The following ME2 variants were observed in gnomAD, a reference collection of about 807,000 sequenced individuals.
The protein encoded by ME2 is malic enzyme 2, also known as NAD-dependent malic enzyme, mitochondrial.
ME2 carries 60 observed loss-of-function variants against 73.7 expected under a neutral mutation model. That is an observed-to-expected ratio of 0.81 (90% CI 0.66 to 1.01). The LOEUF (loss-of-function observed/expected upper bound fraction) is 1.01. Ranked by LOEUF, ME2 falls within the 50% of genes least tolerant of loss-of-function variation. ME2 has a pLI of 0.00. For missense variants in ME2, 594 were observed against 705.5 expected (o/e 0.84, Z 1.79); for synonymous variants, 199 against 236.9 (o/e 0.84, Z 1.47).
chr18:50,904,931 C>A (rs1233721704), intron 2 of ME2, among the ~76,000 whole-genome samples: 1 of 151,984 alleles, frequency 6.6e-6, no homozygotes, highest in Non-Finnish European at 1.5e-5. Context: ...CTCCTCTCCT[C>A]AAACTTCATT....
intron 2 of ME2, among the ~76,000 whole-genome samples, chr18:50,903,240 G>C (rs1916932873): frequency 6.6e-6 from 1 of 152,096 alleles, no homozygotes; most frequent in Non-Finnish European, 1.5e-5. Flanking sequence ...ATCATCACAG[G>C]CTTGCTTCAC....
At chr18:50,931,730 A>G (rs964437338) in intron 12 of ME2, among the ~76,000 whole-genome samples, 2 of 149,724 alleles carry the variant, frequency 1.3e-5, no homozygotes, top group African/African-American at 4.9e-5. Flanking sequence ...GCTGGAGTGC[A>G]GTGGCGTGCT....
In ME2 at chr18:50,951,858, C is replaced by T. The variant is rs1250508903; in HGVS notation, c.*4674C>T. The T allele has an allele frequency of 5.7e-5, 6 of 104,768 alleles. No individual in the cohort carries two copies. The highest frequency in any genetic ancestry group is 1.2e-4 in the African/African-American group (3 of 24,896). 6.5% of individuals were successfully genotyped at this position (104,768 alleles called of 1,614,324 possible). The stretch of plus-strand genomic sequence containing the variant: ...CTCCAGCCTGGGCGACAGAGTGAGC[C>T]TCCATCTCAAAAAAAAAAAAAAAAA... On this transcript the variant is annotated 3_prime_UTR_variant, in exon 16 of 16. Coordinates refer to ENST00000321341, the MANE Select transcript of ME2 (RefSeq NM_002396.5).
intron 1 of ME2, among the ~76,000 whole-genome samples, chr18:50,882,873 TG>T (rs1269832032): frequency 6.6e-6 from 1 of 152,068 alleles, no homozygotes; most frequent in Non-Finnish European, 1.5e-5. Context: ...CGCTTGAACC[TG>T]GAAGTCAGAG....
At chr18:50,911,852 T>C (rs917856625) in intron 3 of ME2, among the ~76,000 whole-genome samples, 6 of 152,182 alleles carry the variant, frequency 3.9e-5, no homozygotes, top group African/African-American at 9.7e-5. Context: ...AGAACAGAAA[T>C]GATCACAGTT....
In ME2 at chr18:50,918,568, A is replaced by C. The variant is rs563030837; in HGVS notation, c.734+355A>C. Among the ~76,000 whole-genome samples, 5 of 152,208 alleles carry C rather than the reference A, an allele frequency of 3.3e-5. No individual in the cohort carries two copies. In the South Asian group the frequency reaches 1.0e-3, roughly 32 times the overall value. On this transcript the variant is annotated intron_variant, in intron 7 of 15. Coordinates refer to ENST00000321341, the MANE Select transcript of ME2 (RefSeq NM_002396.5). Reference sequence around the variant, plus strand: ...CAGCTTTTGTATTTTAAGTTCTCTGACCATTGGGTCCTCCCACTTCTCTAC... The same window carrying C: ...CAGCTTTTGTATTTTAAGTTCTCTGCCCATTGGGTCCTCCCACTTCTCTAC...
intron 12 of ME2, among the ~76,000 whole-genome samples, chr18:50,931,482 A>T (rs1017176282): frequency 6.6e-6 from 1 of 152,220 alleles, no homozygotes; most frequent in African/African-American, 2.4e-5. Flanking sequence ...GGAGATGATG[A>T]TGAAGTTTTC....
At chr18:50,893,135 A>C (rs1916646313) in intron 1 of ME2, among the ~76,000 whole-genome samples, 1 of 144,626 alleles carries the variant, frequency 6.9e-6, no homozygotes, top group Admixed American at 6.8e-5. Context: ...AAAAAAAAAA[A>C]AAAAAAAAAA....
intron 12 of ME2, among the ~76,000 whole-genome samples, chr18:50,931,589 C>G (rs1185183339): frequency 6.6e-6 from 1 of 152,082 alleles, no homozygotes; most frequent in Non-Finnish European, 1.5e-5. Context: ...TTTGGTATTT[C>G]CCCTTCATTC....
chr18:50,927,862 T>G (rs1410037612), intron 12 of ME2, among the ~76,000 whole-genome samples: 1 of 143,802 alleles, frequency 7.0e-6, no homozygotes, highest in Non-Finnish European at 1.5e-5. Flanking sequence ...TTGCCCAGGC[T>G]GGAGTGTAGT....
At position 50,951,866 on chromosome 18, in the gene ME2, C is replaced by CAAAA. The variant is rs757175835; in HGVS notation, c.*4716_*4719dup. On this transcript the variant is annotated 3_prime_UTR_variant, in exon 16 of 16. Coordinates refer to ENST00000321341, the MANE Select transcript of ME2 (RefSeq NM_002396.5). ...TGGGCGACAGAGTGAGCCTCCATCT[C>CAAAA]AAAAAAAAAAAAAAAAAAAAAAAAA... The CAAAA allele has an allele frequency of 5.6e-5, 4 of 71,340 alleles. No homozygotes were observed. Among genetic ancestry groups the CAAAA allele is most frequent in the African/African-American group, 1.9e-4 (3 of 15,504 alleles). The allele number at this position is 71,340 out of a possible 1,614,324, so 4.4% of individuals were successfully genotyped here.
At chr18:50,889,143 C>T (rs187304727) in intron 1 of ME2, among the ~76,000 whole-genome samples, 1 of 152,226 alleles carries the variant, frequency 6.6e-6, no homozygotes, top group East Asian at 1.9e-4. Context: ...TCCATTAATT[C>T]CCTCCCCCCC....
At position 50,949,195 on chromosome 18, in the gene ME2, T is replaced by C. The variant is rs1217970698; in HGVS notation, c.*2011T>C. 1.3e-5 allele frequency: 2 copies of C among 152,224 alleles called. No individual in the cohort carries two copies. The highest frequency in any genetic ancestry group is 2.9e-5 in the Non-Finnish European group (2 of 68,048). 9.4% of individuals were successfully genotyped at this position (152,224 alleles called of 1,614,324 possible). On this transcript the variant is annotated 3_prime_UTR_variant, in exon 16 of 16. Transcript: ENST00000321341. Reference sequence around the variant, plus strand: ...TAATTTTAAAATGGTCGCAATGGCATTGCCATTTGGAGTATGGGAAAATGC... The same window carrying C: ...TAATTTTAAAATGGTCGCAATGGCACTGCCATTTGGAGTATGGGAAAATGC...
In ME2 at chr18:50,953,885, T is replaced by A. The variant is rs549358843; in HGVS notation, c.*6701T>A. ...CAATGTTTTATTATACTTTGTCTAA[T>A]GACCTTTAAATTTAACTGAAATTAA... On this transcript the variant is annotated 3_prime_UTR_variant, in exon 16 of 16. Coordinates refer to ENST00000321341, the MANE Select transcript of ME2 (RefSeq NM_002396.5). 1.3e-4 allele frequency: 20 copies of A among 152,362 alleles called. No individual in the cohort carries two copies. In the East Asian group the frequency reaches 3.9e-3, roughly 29 times the overall value. The allele number at this position is 152,362 out of a possible 1,614,324, so 9.4% of individuals were successfully genotyped here. A position where few individuals can be genotyped will look rare whatever the true frequency, so the allele number is the denominator to read the frequency against.
chr18:50,884,071 T>A (rs187274350), intron 1 of ME2, among the ~76,000 whole-genome samples: 1 of 152,196 alleles, frequency 6.6e-6, no homozygotes, highest in East Asian at 1.9e-4. Context: ...TGTCTGTTTC[T>A]GTCTGTAAGT....
At chr18:50,946,189 G>C (rs939800163) in intron 15 of ME2, among the ~76,000 whole-genome samples, 1 of 152,182 alleles carries the variant, frequency 6.6e-6, no homozygotes, top group Non-Finnish European at 1.5e-5. Context: ...GTGCTACCCT[G>C]TGAGGAAGTG....
At chr18:50,914,463 A>T (rs1917238628) in intron 4 of ME2, among the ~76,000 whole-genome samples, 1 of 152,226 alleles carries the variant, frequency 6.6e-6, no homozygotes, top group Admixed American at 6.5e-5. Context: ...AACTGACTTG[A>T]AACATGAAGA....
chr18:50,939,569 G>T lies in ME2; in HGVS notation c.1418-1G>T. 6.2e-7 allele frequency: 1 copy of T among 1,606,588 alleles called. No individual in the cohort carries two copies. Among genetic ancestry groups the T allele is most frequent in the Non-Finnish European group, 8.5e-7 (1 of 1,173,480 alleles). ...CTAGTAAACTTTAAAATGTGTTCTA[G>T]GTGTGGCTTTAGCTGTTATTCTCTG... On this transcript the variant is annotated splice_acceptor_variant, in intron 13 of 15. Transcript: ENST00000321341. LOFTEE classifies it high-confidence loss of function.
chr18:50,945,959 G>A (rs1192067745), intron 15 of ME2, among the ~76,000 whole-genome samples: 1 of 151,956 alleles, frequency 6.6e-6, no homozygotes. Flanking sequence ...CCCAGCTACT[G>A]GGGAGGCTGA....
Sources: gnomAD v4.1 joint callset for allele counts (sites outside exome capture counted in the v4.1 genomes callset) on GRCh38, gnomAD v4.1.1 for gene constraint, MANE v1.5 for transcripts, NCBI Gene and HGNC (gene_info 2026-07-23, HGNC 2026-07-21) for gene names.